The following ABR variants were observed in gnomAD, a reference collection of about 807,000 sequenced individuals.
ABR encodes the protein active breakpoint cluster region-related protein.
In ABR, 35 loss-of-function variants were observed where a neutral mutation model predicts 107.2. The ratio of observed to expected loss-of-function variants is 0.33; its 90% CI spans 0.25 to 0.43. ABR has a LOEUF of 0.43. Among genes scored for constraint, ABR ranks in the 20% least tolerant of loss-of-function variants. The pLI, the probability that ABR is intolerant of heterozygous loss-of-function variation, is 1.00. For missense variants in ABR, 815 were observed against 1,115.2 expected, an observed-to-expected ratio of 0.73 and a Z score of 3.83; for synonymous variants, 498 against 462.0, an observed-to-expected ratio of 1.08 and a Z score of -1.00.
intron 2 of ABR, among the ~76,000 whole-genome samples, chr17:1,111,842 T>C (rs539966760): frequency 1.3e-5 from 2 of 152,346 alleles, no homozygotes; most frequent in East Asian, 3.9e-4. Context: ...TGCTGGGCTC[T>C]AGGTCTAGCA....
In ABR at chr17:1,050,096, TCCTTGTTGA is replaced by T; in HGVS notation, c.1736_1744del (p.Val579_Lys581del). On this transcript the variant is annotated inframe_deletion, in exon 16 of 23. Transcript: ENST00000302538. The surrounding 1 kb of genome is among the most constrained non-coding windows in gnomAD (Gnocchi z 4.6). ...GATCTTGTCCACGATCTCATTGTTG[TCCTTGTTGA>T]CCTTGGTCTTGTCATAGCACTTCTC... 1 of 1,614,142 alleles carries T rather than the reference TCCTTGTTGA, an allele frequency of 6.2e-7. No individual in the cohort carries two copies. The highest frequency in any genetic ancestry group is 8.5e-7 in the Non-Finnish European group (1 of 1,180,018).
chr17:1,036,285 G>A (rs1362476003), intron 16 of ABR, among the ~76,000 whole-genome samples: 1 of 152,162 alleles, frequency 6.6e-6, no homozygotes, highest in Admixed American at 6.5e-5. Context: ...TTGGGGCGGG[G>A]AGAGCCCCAA....
At chr17:1,041,125 G>A (rs2030379529) in intron 16 of ABR, among the ~76,000 whole-genome samples, 1 of 151,916 alleles carries the variant, frequency 6.6e-6, no homozygotes, top group Admixed American at 6.6e-5. Context: ...TCACCATGTT[G>A]GCCAGGCTGG....
At chr17:1,178,596 G>A (rs2041999093) in intron 1 of ABR, among the ~76,000 whole-genome samples, 3 of 150,776 alleles carry the variant, frequency 2.0e-5, no homozygotes, top group Admixed American at 2.0e-4. Context: ...AAACGCTCCT[G>A]TTCCATGGCA....
intron 1 of ABR, among the ~76,000 whole-genome samples, chr17:1,146,774 AC>A (rs1397370111): frequency 2.3e-5 from 2 of 86,110 alleles, no homozygotes; most frequent in South Asian, 4.2e-4. Context: ...CACCACTGCC[AC>A]CAGGCCACCA....
Position 1,004,689 on chromosome 17 carries a change from G to GC in ABR, c.*1390dup. 1 of 222,664 alleles carries GC rather than the reference G, an allele frequency of 4.5e-6. No homozygotes were observed. 13.8% of individuals were successfully genotyped at this position (222,664 alleles called of 1,614,324 possible). On this transcript the variant is annotated 3_prime_UTR_variant, in exon 23 of 23. Transcript: ENST00000302538. ...GTCGGGTCCCTGCTCCCTGGCGGGTGCCTACAGCACCAACAAGGAGGCCCC... is the reference window on the plus strand; with the variant it reads ...GTCGGGTCCCTGCTCCCTGGCGGGTGCCCTACAGCACCAACAAGGAGGCCCC...
Position 1,179,109 on chromosome 17 carries a change from C to A in ABR, c.61+558G>T, listed in dbSNP as rs1180128099. On this transcript the variant is annotated intron_variant, in intron 1 of 22. Transcript: ENST00000302538. The surrounding 1 kb of genome is among the most constrained non-coding windows in gnomAD (Gnocchi z 4.9). The stretch of plus-strand genomic sequence containing the variant: ...GGGATTTTCAGCTCCCGCATCCAAA[C>A]GGCCCCCGCGGATATCTGCACCCCC... Among the ~76,000 whole-genome samples the A allele has an allele frequency of 1.3e-5, 2 of 151,848 alleles. No homozygotes were observed. The highest frequency in any genetic ancestry group is 2.9e-5 in the Non-Finnish European group (2 of 67,940).
chr17:1,030,138 A>G (rs2072609831), intron 16 of ABR, among the ~76,000 whole-genome samples: 1 of 152,212 alleles, frequency 6.6e-6, no homozygotes, highest in African/African-American at 2.4e-5. Flanking sequence ...GCACTGCCAG[A>G]GGCAAACCCA....
At chr17:1,136,944 G>C (rs961648603) in intron 1 of ABR, among the ~76,000 whole-genome samples, 14 of 152,080 alleles carry the variant, frequency 9.2e-5, no homozygotes, top group African/African-American at 3.1e-4. Context: ...ACTGGTAGGA[G>C]AGGCTCCGCT....
chr17:1,026,501 A>T (rs2663335), intron 16 of ABR, among the ~76,000 whole-genome samples: 29,311 of 152,040 alleles, frequency 0.19, 3,350 homozygotes, highest in Admixed American at 0.33. Context: ...CGCTGTCTTG[A>T]AGCGGGACTG....
At chr17:1,207,894 C>A (rs1045017919) in intron 1 of ABR, among the ~76,000 whole-genome samples, 2 of 151,522 alleles carry the variant, frequency 1.3e-5, no homozygotes, top group African/African-American at 4.8e-5. Context: ...CTCAGCCTCC[C>A]GAGTAGCTGG....
At chr17:1,208,246 C>T (rs115666121) in intron 1 of ABR, among the ~76,000 whole-genome samples, 1,907 of 152,266 alleles carry the variant, frequency 0.013, 40 homozygotes, top group African/African-American at 0.043. Flanking sequence ...TTCTTCCTGG[C>T]CTTCCTGGGC....
Position 1,010,805 on chromosome 17 carries a change from C to T in ABR, c.2160G>A (p.Thr720=), listed in dbSNP as rs752086857. Residue 720 remains threonine, a synonymous_variant, in exon 20 of 23, where the codon ACG becomes ACA. Coordinates refer to ENST00000302538, the MANE Select transcript of ABR (RefSeq NM_021962.5). The surrounding 1 kb of genome is among the most constrained non-coding windows in gnomAD (Gnocchi z 4.1). ...SDMDINAIAG[T]LKLYFRELPE... ...GCAGTTCCCGGAAGTACAGCTTGAG[C>T]GTCCCGGCGATGGCGTTGATGTCCA... 2.0e-5 allele frequency: 33 copies of T among 1,613,732 alleles called. No individual in the cohort carries two copies. Among genetic ancestry groups the T allele is most frequent in the Middle Eastern group, 1.6e-4 (1 of 6,072 alleles).
At chr17:1,032,606 G>A (rs1053859869) in intron 16 of ABR, among the ~76,000 whole-genome samples, 6 of 85,258 alleles carry the variant, frequency 7.0e-5, no homozygotes, top group East Asian at 4.9e-4. Flanking sequence ...AACCACCCGC[G>A]TCCGTGCTGG....
In ABR at chr17:1,081,326, C is replaced by T. The variant is rs114848161; in HGVS notation, c.640-1936G>A. 7.9e-3 allele frequency among the ~76,000 whole-genome samples: 1,205 copies of T among 152,314 alleles called. 14 individuals carry two copies. The highest frequency in any genetic ancestry group is 0.027 in the African/African-American group (1,134 of 41,576). ...CTGGGCTCAAGCCAATCTCCCGCCT[C>T]GGCCTCCCAAAGTGCTGGGATTACA... On this transcript the variant is annotated intron_variant, in intron 5 of 22. Coordinates refer to ENST00000302538, the MANE Select transcript of ABR (RefSeq NM_021962.5).
Position 1,179,547 on chromosome 17 carries a change from A to T in ABR, c.61+120T>A. ...CGCCCCCGCCCGCGCTCCCCGGACC[A>T]GCCCGGTGCCTGGGTCCCGATCCCG... is the stretch of plus-strand genomic sequence containing the variant. On this transcript the variant is annotated intron_variant, in intron 1 of 22. Coordinates refer to ENST00000302538, the MANE Select transcript of ABR (RefSeq NM_021962.5). The surrounding 1 kb of genome is among the most constrained non-coding windows in gnomAD (Gnocchi z 4.9). The T allele has an allele frequency of 9.2e-7, 1 of 1,085,800 alleles. No homozygotes were observed. The highest frequency in any genetic ancestry group is 1.2e-6 in the Non-Finnish European group (1 of 819,992). 67.3% of individuals were successfully genotyped at this position (1,085,800 alleles called of 1,614,324 possible).
At chr17:1,073,731 A>G (rs1451569923) in intron 6 of ABR, 54 bp from the exon 7 acceptor site, 1 of 1,501,100 alleles carries the variant, frequency 6.7e-7, no homozygotes, top group Non-Finnish European at 9.1e-7. Context: ...AGGGCAACCC[A>G]ACACCCCAGA....
intron 1 of ABR, among the ~76,000 whole-genome samples, chr17:1,215,913 A>G (rs1486110918): frequency 9.7e-5 from 1 of 10,266 alleles, no homozygotes; most frequent in Admixed American, 2.1e-3. Flanking sequence ...TGCTGTGTCC[A>G]CTCAGGGTAA....
intron 16 of ABR, among the ~76,000 whole-genome samples, chr17:1,032,073 A>G (rs2072852540): frequency 6.6e-6 from 1 of 151,558 alleles, no homozygotes; most frequent in Non-Finnish European, 1.5e-5. Context: ...CCTCCCTCGC[A>G]ATAAAGTTTA....
Sources: allele counts gnomAD v4.1 joint callset (sites outside exome capture counted in the v4.1 genomes callset), GRCh38; gene constraint gnomAD v4.1.1; non-coding constraint Gnocchi (gnomAD v3.1); transcripts MANE v1.5; gene names NCBI Gene and HGNC (gene_info 2026-07-23, HGNC 2026-07-21).